The following SAMD12 variants were observed in gnomAD, a reference collection of about 807,000 sequenced individuals.
SAMD12 encodes sterile alpha motif domain containing 12, also known as sterile alpha motif domain-containing protein 12.
Under a neutral mutation model 15.0 loss-of-function variants are expected in SAMD12, and 9 were observed. The observed-to-expected ratio is 0.60, with a 90% CI of 0.36 to 1.05. SAMD12 has a LOEUF of 1.05. Ranked by LOEUF, SAMD12 falls within the 50% of genes least tolerant of loss-of-function variation. The probability of loss-of-function intolerance (pLI) is 0.01; values close to 1 mark genes in which losing one functional copy is unlikely to be tolerated. For missense variants in SAMD12, 230 were observed against 234.2 expected (o/e 0.98, Z 0.12); for synonymous variants, 86 against 90.1 (o/e 0.96, Z 0.25).
chr8:118,320,700 G>T (rs1816199666), intron 4 of SAMD12, among the ~76,000 whole-genome samples: 1 of 150,830 alleles, frequency 6.6e-6, no homozygotes, highest in Non-Finnish European at 1.5e-5. Flanking sequence ...ATAGCATTAG[G>T]AGATATACCT....
Position 118,621,804 on chromosome 8 carries a change from C to T in SAMD12, c.13G>A (p.Ala5Thr), listed in dbSNP as rs1369701058. 6.2e-7 allele frequency: 1 copy of T among 1,614,096 alleles called. No individual in the cohort carries two copies. The highest frequency in any genetic ancestry group is 8.5e-7 in the Non-Finnish European group (1 of 1,179,972). Residue 5 changes from alanine (A) to threonine (T), a missense_variant and splice_region_variant, in exon 1 of 4, where the codon GCT (alanine) becomes ACT (threonine). Coordinates refer to ENST00000314727, the MANE Select transcript of SAMD12 (RefSeq NM_207506.3). MAVEALHCGLNPRGI... is the reference protein window; with the variant it reads MAVETLHCGLNPRGI... Reference sequence around the variant, plus strand: ...TAAAAATGCCCCAAGCGTCCCTTACCTTCCACAGCCATTCTCTCAGAGCTT... The same window carrying T: ...TAAAAATGCCCCAAGCGTCCCTTACTTTCCACAGCCATTCTCTCAGAGCTT...
chr8:118,252,047 G>A (rs17432692), intron 4 of SAMD12, among the ~76,000 whole-genome samples: 3 of 152,106 alleles, frequency 2.0e-5, no homozygotes, highest in South Asian at 2.1e-4. Context: ...CCTGGGTGCC[G>A]CAGAGGGCAG....
At chr8:118,484,072 AT>A (rs1468492994) in intron 2 of SAMD12, among the ~76,000 whole-genome samples, 2 of 152,212 alleles carry the variant, frequency 1.3e-5, no homozygotes, top group African/African-American at 4.8e-5. Flanking sequence ...GATACATGCT[AT>A]GAGGACAACA....
chr8:118,163,996 G>A, the SAMD12 span, among the ~76,000 whole-genome samples: 3 of 152,206 alleles, frequency 2.0e-5, no homozygotes, highest in Non-Finnish European at 4.4e-5. Flanking sequence ...GTAGGAACGA[G>A]GTTTCTCCTC....
chr8:118,256,677 T>C (rs1289978787), intron 4 of SAMD12, among the ~76,000 whole-genome samples: 1 of 151,856 alleles, frequency 6.6e-6, no homozygotes, highest in African/African-American at 2.4e-5. Context: ...TAAAAAACTC[T>C]CTTAAATCAC....
chr8:118,589,382 A>C (rs1468094159), intron 1 of SAMD12, among the ~76,000 whole-genome samples: 3 of 152,226 alleles, frequency 2.0e-5, no homozygotes, highest in Admixed American at 2.0e-4. Context: ...TACAGAAACA[A>C]TTTCATCTTT....
At chr8:118,597,042 C>A (rs796425364) in intron 1 of SAMD12, among the ~76,000 whole-genome samples, 5 of 152,184 alleles carry the variant, frequency 3.3e-5, no homozygotes, top group African/African-American at 1.2e-4. Flanking sequence ...ATGTGCAAAG[C>A]TGGAGGGACG....
intron 4 of SAMD12, among the ~76,000 whole-genome samples, chr8:118,299,040 C>T (rs539675644): frequency 8.9e-4 from 136 of 152,210 alleles, no homozygotes; most frequent in African/African-American, 3.1e-3. Context: ...AAAGGAGGTA[C>T]ATGTTCTTAT....
the SAMD12 span, among the ~76,000 whole-genome samples, chr8:118,153,646 C>T: frequency 6.6e-6 from 1 of 152,116 alleles, no homozygotes; most frequent in Non-Finnish European, 1.5e-5. Context: ...CTTGATTCCC[C>T]TCATTGGCCT....
At chr8:118,443,989 CAA>C (rs1275490163) in intron 2 of SAMD12, among the ~76,000 whole-genome samples, 1 of 152,216 alleles carries the variant, frequency 6.6e-6, no homozygotes, top group Admixed American at 6.5e-5. Context: ...GCAGAGCTGT[CAA>C]TGCCTTCGAC....
At chr8:118,184,121 C>T in the SAMD12 span, among the ~76,000 whole-genome samples, 1 of 152,012 alleles carries the variant, frequency 6.6e-6, no homozygotes, top group Admixed American at 6.6e-5. Context: ...CACATACTCA[C>T]CAGGACTGAT....
At chr8:118,212,364 A>G (rs536325920) in intron 4 of SAMD12, among the ~76,000 whole-genome samples, 1 of 152,320 alleles carries the variant, frequency 6.6e-6, no homozygotes, top group South Asian at 2.1e-4. Context: ...AAACTATGAT[A>G]TAATGCTTTT....
intron 4 of SAMD12, among the ~76,000 whole-genome samples, chr8:118,337,975 T>C (rs1817167115): frequency 6.6e-6 from 1 of 152,232 alleles, no homozygotes. Flanking sequence ...ATACATAGGA[T>C]GCCAGTTTAA....
rs746496615 is a variant in SAMD12 at position 118,615,181 on chromosome 8, A to G, written c.13+6623T>C. 4.0e-5 allele frequency among the ~76,000 whole-genome samples: 6 copies of G among 151,686 alleles called. 1 individual carries two copies. In the South Asian group the frequency reaches 6.2e-4, roughly 16 times the overall value. On this transcript the variant is annotated intron_variant, in intron 1 of 3. Coordinates refer to ENST00000314727, the MANE Select transcript of SAMD12 (RefSeq NM_207506.3). The stretch of plus-strand genomic sequence containing the variant: ...AAGAAGCATGCATTATACATACACT[A>G]CTCAGTTTTGTGCCCTTTCCCCGAT...
chr8:118,141,511 T>C, the SAMD12 span, among the ~76,000 whole-genome samples: 1 of 152,220 alleles, frequency 6.6e-6, no homozygotes, highest in Non-Finnish European at 1.5e-5. Flanking sequence ...CAAGGTCTGC[T>C]GTCTTGAGCC....
At chr8:118,548,137 C>G (rs1184832869) in intron 2 of SAMD12, among the ~76,000 whole-genome samples, 2 of 152,282 alleles carry the variant, frequency 1.3e-5, no homozygotes, top group African/African-American at 4.8e-5. Context: ...AATGGACAAG[C>G]ATCCAGGGCC....
chr8:118,321,179 A>G (rs1586520421), intron 4 of SAMD12, among the ~76,000 whole-genome samples: 1 of 101,978 alleles, frequency 9.8e-6, no homozygotes, highest in East Asian at 3.5e-4. Context: ...ATATATATAT[A>G]TATATATTCT....
At chr8:118,132,965 T>G in the SAMD12 span, among the ~76,000 whole-genome samples, 40,464 of 73,552 alleles carry the variant, frequency 0.55, 7,870 homozygotes, top group South Asian at 0.62. Flanking sequence ...AACATATGTG[T>G]GTGTGTGTAT....
At chr8:118,226,081 G>A (rs1194029656) in intron 4 of SAMD12, among the ~76,000 whole-genome samples, 1 of 152,164 alleles carries the variant, frequency 6.6e-6, no homozygotes, top group Non-Finnish European at 1.5e-5. Context: ...GTCAGGCACT[G>A]TCCGAAGTGC....
Sources: allele counts gnomAD v4.1 joint callset (sites outside exome capture counted in the v4.1 genomes callset), GRCh38; gene constraint gnomAD v4.1.1; transcripts MANE v1.5; gene names NCBI Gene and HGNC (gene_info 2026-07-23, HGNC 2026-07-21).